Variants in NXPE1 observed in about 807,000 individuals in gnomAD.
The protein encoded by NXPE1 is NXPE family member 1.
In NXPE1, 31 loss-of-function variants were observed where a neutral mutation model predicts 33.3. The observed-to-expected ratio is 0.93, with a 90% CI of 0.70 to 1.26. The LOEUF is 1.26. NXPE1 is among the 50% of genes most tolerant of loss of function. The pLI, the probability that NXPE1 is intolerant of heterozygous loss-of-function variation, is 0.00. For synonymous variants in NXPE1, 229 were observed against 231.4 expected (o/e 0.99, Z 0.09); for missense variants, 661 against 655.6 (o/e 1.01, Z -0.09).
chr11:114,541,339 A>G (rs887952662), intron 5 of NXPE1, among the ~76,000 whole-genome samples: 1 of 152,268 alleles, frequency 6.6e-6, no homozygotes, highest in Non-Finnish European at 1.5e-5. Context: ...GACAAGGACT[A>G]TGAAACAGCT....
intron 1 of NXPE1, among the ~76,000 whole-genome samples, chr11:114,553,519 T>C (rs1948573999): frequency 6.6e-6 from 1 of 152,220 alleles, no homozygotes; most frequent in Non-Finnish European, 1.5e-5. Context: ...TGGCAGAGTT[T>C]TGGAAATTTA....
chr11:114,530,553 G>T, exon 6 of NXPE1: 1 of 1,614,014 alleles, frequency 6.2e-7, no homozygotes, highest in Non-Finnish European at 8.5e-7. Context: ...CTTTCCTGAA[G>T]CACCTGCCGT....
rs533326931 is a variant in NXPE1 at position 114,522,888 on chromosome 11, C to T, written c.1099G>A (p.Val367Ile). 3 of 1,611,598 alleles carry T rather than the reference C, an allele frequency of 1.9e-6. No individual in the cohort carries two copies. In the African/African-American group the frequency reaches 4.0e-5, roughly 21 times the overall value. Residue 367 changes from valine (V) to isoleucine (I), a missense_variant, in exon 8 of 9, where the codon GTT (valine) becomes ATT (isoleucine). Transcript: ENST00000534921. ...TAAAGTAACTACCTACTTTTTACAA[C>T]TTTGGGGAAGTAGTAGATCCACTGA...
intron 5 of NXPE1, among the ~76,000 whole-genome samples, chr11:114,533,120 T>A (rs1162790464): frequency 6.6e-6 from 1 of 152,206 alleles, no homozygotes; most frequent in Non-Finnish European, 1.5e-5. Flanking sequence ...ATCCAAGGTA[T>A]GAGAATGATG....
At chr11:114,546,427 T>C (rs1948285198) in intron 5 of NXPE1, among the ~76,000 whole-genome samples, 1 of 152,048 alleles carries the variant, frequency 6.6e-6, no homozygotes, top group South Asian at 2.1e-4. Flanking sequence ...TAGATATGCA[T>C]GTATTACTGG....
chr11:114,528,248 A>C (rs1203473411), intron 6 of NXPE1, among the ~76,000 whole-genome samples: 2 of 152,156 alleles, frequency 1.3e-5, no homozygotes, highest in Non-Finnish European at 2.9e-5. Flanking sequence ...TCCTTGGATT[A>C]CTGTGAGCCT....
intron 5 of NXPE1, among the ~76,000 whole-genome samples, chr11:114,534,892 C>G (rs867160115): frequency 6.6e-6 from 1 of 152,182 alleles, no homozygotes; most frequent in Admixed American, 6.5e-5. Context: ...CCCAATCTAG[C>G]AAGGCAGGCC....
chr11:114,530,262 T>A, exon 6 of NXPE1: 1 of 1,614,028 alleles, frequency 6.2e-7, no homozygotes, highest in Non-Finnish European at 8.5e-7. Flanking sequence ...ACAGGGCATG[T>A]GTTGAGGCTT....
intron 6 of NXPE1, among the ~76,000 whole-genome samples, chr11:114,528,506 T>C (rs1358764328): frequency 6.6e-6 from 1 of 152,208 alleles, no homozygotes; most frequent in Non-Finnish European, 1.5e-5. Flanking sequence ...ACTTGCTTTC[T>C]GAAGATCATA....
At chr11:114,541,213 C>G (rs1242119942) in intron 5 of NXPE1, among the ~76,000 whole-genome samples, 1 of 152,088 alleles carries the variant, frequency 6.6e-6, no homozygotes, top group Admixed American at 6.5e-5. Flanking sequence ...CACAACATAA[C>G]AGTCACAATT....
chr11:114,531,839 TTGGCACTATACG>T (rs1190745125), intron 5 of NXPE1, among the ~76,000 whole-genome samples: 1 of 152,164 alleles, frequency 6.6e-6, no homozygotes, highest in Non-Finnish European at 1.5e-5. Context: ...ACTTATGCTT[TTGGCACTATACG>T]GTGCTTTATA....
intron 6 of NXPE1, 78 bp from the exon 7 acceptor site, chr11:114,527,979 A>T: frequency 9.2e-7 from 1 of 1,089,794 alleles, no homozygotes; most frequent in Non-Finnish European, 1.3e-6. Flanking sequence ...CTTGTGAGTG[A>T]AGGAAAATTT....
intron 5 of NXPE1, among the ~76,000 whole-genome samples, chr11:114,534,005 C>T (rs558171578): frequency 2.6e-5 from 4 of 152,322 alleles, no homozygotes; most frequent in Admixed American, 1.3e-4. Flanking sequence ...GGTCCCTGAC[C>T]CCCAAGTAGC....
exon 9 of NXPE1, chr11:114,522,046 T>G (rs143420351): frequency 6.2e-6 from 10 of 1,613,806 alleles, no homozygotes; most frequent in Non-Finnish European, 6.8e-6. Flanking sequence ...CAGTGCCATA[T>G]GCAATGGTCA....
intron 5 of NXPE1, among the ~76,000 whole-genome samples, chr11:114,546,655 A>G (rs143345567): frequency 1.6e-3 from 244 of 152,126 alleles, no homozygotes; most frequent in African/African-American, 5.5e-3. Context: ...ACACCCCAAT[A>G]GTAACAAACA....
In NXPE1 at chr11:114,544,029, A is replaced by G. The variant is rs539027792; in HGVS notation, c.99+7074T>C. Reference sequence around the variant, plus strand: ...CACTTAAGTATAAATCTAACAAAATATATACAGGATCTGTATGTAGAAAGC... The same window carrying G: ...CACTTAAGTATAAATCTAACAAAATGTATACAGGATCTGTATGTAGAAAGC... On this transcript the variant is annotated intron_variant, in intron 5 of 8. Transcript: ENST00000534921. Among the ~76,000 whole-genome samples the G allele has an allele frequency of 1.1e-4, 17 of 152,352 alleles. 1 individual carries two copies. In the South Asian group the frequency reaches 2.9e-3, roughly 26 times the overall value.
chr11:114,528,669 G>A, intron 6 of NXPE1: 1 of 452,302 alleles, frequency 2.2e-6, no homozygotes, highest in Non-Finnish European at 4.0e-6. Flanking sequence ...CACTCTTCCT[G>A]CTTGAAAGCT....
intron 5 of NXPE1, among the ~76,000 whole-genome samples, chr11:114,543,997 A>T (rs1342946945): frequency 1.3e-5 from 2 of 152,214 alleles, no homozygotes; most frequent in Non-Finnish European, 2.9e-5. Context: ...GCACCAAAAA[A>T]GTGAAGCACT....
intron 5 of NXPE1, among the ~76,000 whole-genome samples, chr11:114,539,322 T>C (rs1382970779): frequency 6.6e-6 from 1 of 151,550 alleles, no homozygotes; most frequent in African/African-American, 2.4e-5. Context: ...TTAGGAGATA[T>C]ACCTATTGCT....
Sources: gnomAD v4.1 joint callset for allele counts (sites outside exome capture counted in the v4.1 genomes callset) on GRCh38, gnomAD v4.1.1 for gene constraint, MANE v1.5 for transcripts, NCBI Gene and HGNC (gene_info 2026-07-23, HGNC 2026-07-21) for gene names.